The following MICAL2 variants were observed in gnomAD, a reference collection of about 807,000 sequenced individuals.
The protein encoded by MICAL2 is microtubule associated monooxygenase, calponin and LIM domain containing 2.
A neutral mutation model predicts 127.3 loss-of-function variants in MICAL2; 77 were observed. The ratio of observed to expected loss-of-function variants is 0.60; its 90% CI spans 0.50 to 0.73. MICAL2 has a LOEUF of 0.73. Ranked by LOEUF, MICAL2 falls within the 30% of genes least tolerant of loss-of-function variation. The pLI is 0.00. For synonymous variants in MICAL2, 570 were observed against 551.1 expected, an observed-to-expected ratio of 1.03 and a Z score of -0.48; for missense variants, 1,351 against 1,434.4, an observed-to-expected ratio of 0.94 and a Z score of 0.94.
chr11:12,247,468 C>T (rs901550244), intron 21 of MICAL2, among the ~76,000 whole-genome samples: 1 of 152,196 alleles, frequency 6.6e-6, no homozygotes, highest in Non-Finnish European at 1.5e-5. Flanking sequence ...TGGAGGACCT[C>T]TTAGAATGGA....
downstream of MICAL2, among the ~76,000 whole-genome samples, chr11:12,264,620 T>TG (rs1456830591): frequency 6.6e-6 from 1 of 152,124 alleles, no homozygotes; most frequent in African/African-American, 2.4e-5. Flanking sequence ...ATGAGGTCCC[T>TG]GGCACCTCCA....
intron 1 of MICAL2, among the ~76,000 whole-genome samples, chr11:12,115,703 A>C (rs1475899088): frequency 3.9e-5 from 6 of 152,062 alleles, no homozygotes; most frequent in Admixed American, 3.9e-4. Flanking sequence ...CTTTTCCTTT[A>C]TCTTTTGCTT....
At chr11:12,313,167 C>CAAAAAAAAAA (rs61207104) in intron 29 of MICAL2, among the ~76,000 whole-genome samples, 1 of 69,268 alleles carries the variant, frequency 1.4e-5, no homozygotes, top group Admixed American at 2.3e-4. Flanking sequence ...GACTACATCT[C>CAAAAAAAAAA]AAAAAAAAAA....
chr11:12,326,206 C>T (rs1452927979), intron 31 of MICAL2, among the ~76,000 whole-genome samples: 1 of 152,102 alleles, frequency 6.6e-6, no homozygotes, highest in Non-Finnish European at 1.5e-5. Context: ...TAAAGTAAAA[C>T]AGAGGAGGAA....
intron 2 of MICAL2, among the ~76,000 whole-genome samples, chr11:12,151,291 A>T (rs79451514): frequency 9.8e-4 from 149 of 152,310 alleles, no homozygotes; most frequent in African/African-American, 3.5e-3. Flanking sequence ...ACTTTTGCAG[A>T]ACACTAAGGT....
At chr11:12,248,838 G>A (rs1248534772) in intron 21 of MICAL2, among the ~76,000 whole-genome samples, 1 of 145,510 alleles carries the variant, frequency 6.9e-6, no homozygotes, top group Non-Finnish European at 1.5e-5. Flanking sequence ...ATAGAGCTAG[G>A]CAACCTTTTG....
At chr11:12,149,921 G>A (rs946421068) in intron 2 of MICAL2, among the ~76,000 whole-genome samples, 1 of 152,166 alleles carries the variant, frequency 6.6e-6, no homozygotes, top group African/African-American at 2.4e-5. Context: ...ATTTTCAGGG[G>A]CAAGTAGAGA....
intron 1 of MICAL2, among the ~76,000 whole-genome samples, chr11:12,115,704 T>G (rs1205442463): frequency 6.6e-6 from 1 of 152,168 alleles, no homozygotes; most frequent in African/African-American, 2.4e-5. Flanking sequence ...TTTTCCTTTA[T>G]CTTTTGCTTT....
At chr11:12,291,888 G>C (rs1462891121), downstream of MICAL2, among the ~76,000 whole-genome samples, 3 of 152,154 alleles carry the variant, frequency 2.0e-5, no homozygotes, top group East Asian at 5.8e-4. Context: ...CCTCTCAAGA[G>C]CATCATCGCA....
At chr11:12,114,900 C>T (rs1849885324) in intron 1 of MICAL2, among the ~76,000 whole-genome samples, 1 of 152,214 alleles carries the variant, frequency 6.6e-6, no homozygotes, top group African/African-American at 2.4e-5. Context: ...CCGGCCTCCA[C>T]AGGTCACACG....
intron 32 of MICAL2, among the ~76,000 whole-genome samples, chr11:12,339,590 G>A (rs1472525824): frequency 6.6e-6 from 1 of 152,046 alleles, no homozygotes; most frequent in African/African-American, 2.4e-5. Flanking sequence ...ATCTACCTTT[G>A]GTCTTTGATG....
At chr11:12,136,515 G>A (rs923822332) in intron 1 of MICAL2, among the ~76,000 whole-genome samples, 1 of 152,042 alleles carries the variant, frequency 6.6e-6, no homozygotes, top group African/African-American at 2.4e-5. Context: ...TAGTTTTGTC[G>A]GTGTCTCTAA....
intron 2 of MICAL2, among the ~76,000 whole-genome samples, chr11:12,160,637 T>G (rs1854673728): frequency 6.6e-6 from 1 of 152,218 alleles, no homozygotes; most frequent in Non-Finnish European, 1.5e-5. Context: ...ATCTCATTCC[T>G]AAAATTGAAG....
chr11:12,246,483 TG>T (rs1860759063), intron 21 of MICAL2, among the ~76,000 whole-genome samples: 1 of 152,244 alleles, frequency 6.6e-6, no homozygotes, highest in African/African-American at 2.4e-5. Flanking sequence ...TTCACTGGGC[TG>T]GGAGCTACCC....
intron 16 of MICAL2, among the ~76,000 whole-genome samples, chr11:12,236,684 T>G (rs553401470): frequency 5.7e-4 from 87 of 152,380 alleles, no homozygotes; most frequent in Non-Finnish European, 1.0e-3. Context: ...GCATATGTCG[T>G]GGTCTCCACA....
intron 7 of MICAL2, among the ~76,000 whole-genome samples, chr11:12,215,160 G>T (rs1370991869): frequency 6.6e-6 from 1 of 152,198 alleles, no homozygotes; most frequent in Non-Finnish European, 1.5e-5. Context: ...CAATATAAAT[G>T]AGAGCAGGAC....
At chr11:12,321,418 G>A (rs1864294306) in intron 30 of MICAL2, among the ~76,000 whole-genome samples, 1 of 152,142 alleles carries the variant, frequency 6.6e-6, no homozygotes, top group Non-Finnish European at 1.5e-5. Flanking sequence ...CACAGGAAAC[G>A]AGGCAGGATG....
chr11:12,201,656 C>T (rs957776308), intron 3 of MICAL2, among the ~76,000 whole-genome samples: 10 of 152,124 alleles, frequency 6.6e-5, no homozygotes, highest in Admixed American at 5.9e-4. Flanking sequence ...AGGCTTTTGC[C>T]GAATGTAGCT....
intron 29 of MICAL2, among the ~76,000 whole-genome samples, chr11:12,313,383 G>A (rs1376991950): frequency 6.6e-6 from 1 of 151,972 alleles, no homozygotes; most frequent in African/African-American, 2.4e-5. Flanking sequence ...AGAATGAGAG[G>A]CCAGGAGAGC....
Sources: allele counts gnomAD v4.1 joint callset (sites outside exome capture counted in the v4.1 genomes callset), GRCh38; gene constraint gnomAD v4.1.1; transcripts MANE v1.5; gene names NCBI Gene and HGNC (gene_info 2026-07-23, HGNC 2026-07-21).